KIAA1549L: variants seen among roughly 807,000 people sequenced by gnomAD.
KIAA1549L encodes UPF0606 protein KIAA1549L.
KIAA1549L carries 88 observed loss-of-function variants against 160.7 expected under a neutral mutation model. That is an observed-to-expected ratio of 0.55 (90% CI 0.46 to 0.65). The LOEUF is 0.65. KIAA1549L is among the 30% of genes least tolerant of loss of function. The pLI, the probability that KIAA1549L is intolerant of heterozygous loss-of-function variation, is 0.00. For missense variants in KIAA1549L, 2,258 were observed against 2,437.5 expected (o/e 0.93, Z 1.55); for synonymous variants, 950 against 976.7 (o/e 0.97, Z 0.51).
Position 33,376,488 on chromosome 11 carries a change from C to T in KIAA1549L, c.-164C>T, listed in dbSNP as rs957859974. 1.0e-4 allele frequency: 15 copies of T among 147,902 alleles called. No individual in the cohort carries two copies. Among genetic ancestry groups the T allele is most frequent in the Admixed American group, 2.0e-4 (3 of 14,940 alleles). The allele number at this position is 147,902 out of a possible 1,614,324, so 9.2% of individuals were successfully genotyped here. The stretch of plus-strand genomic sequence containing the variant: ...GAAGCCGCGGCTCCCTGGAGCCCGC[C>T]CCGGGCGCGGCAGGACGAGCGAGCC... On this transcript the variant is annotated 5_prime_UTR_variant, in exon 1 of 21. Coordinates refer to ENST00000658780, the MANE Select transcript of KIAA1549L (RefSeq NM_012194.3). This position sits in a 1 kb window ranked among gnomAD's most constrained non-coding sequence, Gnocchi z 5.8.
At chr11:33,601,793 G>A (rs2133311219) in intron 13 of KIAA1549L, among the ~76,000 whole-genome samples, 1 of 152,306 alleles carries the variant, frequency 6.6e-6, no homozygotes. Flanking sequence ...AACTTTGAAA[G>A]GAAAAGACAC....
intron 1 of KIAA1549L, among the ~76,000 whole-genome samples, chr11:33,520,781 T>C (rs1853473277): frequency 6.7e-6 from 1 of 150,360 alleles, no homozygotes; most frequent in African/African-American, 2.5e-5. Context: ...TTTTTCTTGT[T>C]TTGTCTTGGT....
At chr11:33,509,262 C>T (rs2133102572) in intron 1 of KIAA1549L, among the ~76,000 whole-genome samples, 2 of 152,306 alleles carry the variant, frequency 1.3e-5, no homozygotes, top group African/African-American at 4.8e-5. Flanking sequence ...AAACAGAAAA[C>T]ACCAAAGACA....
intron 14 of KIAA1549L, 89 bp from the exon 15 acceptor site, chr11:33,609,660 T>G (rs1286242969): frequency 4.6e-6 from 5 of 1,087,486 alleles, no homozygotes; most frequent in Non-Finnish European, 6.8e-6. Flanking sequence ...TGTGATGGCT[T>G]TTTTAGAAGT....
intron 1 of KIAA1549L, among the ~76,000 whole-genome samples, chr11:33,382,717 C>T: frequency 6.6e-6 from 1 of 152,026 alleles, no homozygotes; most frequent in East Asian, 1.9e-4. Flanking sequence ...ACAAGATGTC[C>T]CAAATCTTGC....
At chr11:33,667,837 C>A (rs777729684) in intron 20 of KIAA1549L, 36 bp from the exon 21 acceptor site, 14 of 1,569,786 alleles carry the variant, frequency 8.9e-6, no homozygotes, top group Non-Finnish European at 1.2e-5. Flanking sequence ...CTTCCTCATG[C>A]CAGGCCCTGT....
chr11:33,401,708 C>T (rs1024134851), intron 1 of KIAA1549L, among the ~76,000 whole-genome samples: 9 of 152,164 alleles, frequency 5.9e-5, no homozygotes, highest in African/African-American at 2.2e-4. Flanking sequence ...ACTACAGGCA[C>T]ATGCCACAAT....
intron 20 of KIAA1549L, among the ~76,000 whole-genome samples, chr11:33,667,538 G>T (rs1278353117): frequency 6.6e-6 from 1 of 151,908 alleles, no homozygotes; most frequent in Non-Finnish European, 1.5e-5. Flanking sequence ...GACTACAGGC[G>T]CATGCCACCA....
intron 1 of KIAA1549L, among the ~76,000 whole-genome samples, chr11:33,495,883 G>T (rs1310454862): frequency 6.6e-6 from 1 of 151,882 alleles, no homozygotes; most frequent in African/African-American, 2.4e-5. Flanking sequence ...GCCAGTGATG[G>T]TGAGCATTTT....
chr11:33,407,125 T>C (rs71480908), intron 1 of KIAA1549L, among the ~76,000 whole-genome samples: 12,348 of 143,192 alleles, frequency 0.086, 702 homozygotes, highest in Middle Eastern at 0.19. Context: ...CGCTCTGTCG[T>C]CCAGGCTGGA....
chr11:33,612,568 C>G (rs1172048261), intron 15 of KIAA1549L, among the ~76,000 whole-genome samples: 2 of 151,774 alleles, frequency 1.3e-5, no homozygotes, highest in African/African-American at 4.8e-5. Context: ...ACCATTCTTG[C>G]ATTGCTATAA....
At chr11:33,570,757 G>A (rs1855226167) in intron 9 of KIAA1549L, among the ~76,000 whole-genome samples, 1 of 152,158 alleles carries the variant, frequency 6.6e-6, no homozygotes, top group Non-Finnish European at 1.5e-5. Flanking sequence ...AGGCCTAAGA[G>A]AAAACATGTG....
chr11:33,628,473 A>G (rs1201981453), intron 16 of KIAA1549L, among the ~76,000 whole-genome samples: 2 of 150,846 alleles, frequency 1.3e-5, no homozygotes, highest in Non-Finnish European at 2.9e-5. Context: ...GTGCTCCTGT[A>G]TTGGGCGCAT....
chr11:33,660,282 AAAG>A (rs2133444651), intron 19 of KIAA1549L, among the ~76,000 whole-genome samples: 1 of 152,334 alleles, frequency 6.6e-6, no homozygotes, highest in South Asian at 2.1e-4. Flanking sequence ...GTCCACAAAG[AAAG>A]AAGACCAGGT....
At chr11:33,536,717 T>G (rs564864852) in intron 1 of KIAA1549L, among the ~76,000 whole-genome samples, 1 of 152,330 alleles carries the variant, frequency 6.6e-6, no homozygotes, top group East Asian at 1.9e-4. Flanking sequence ...AAACACAAAC[T>G]ATTTAAATCA....
chr11:33,656,075 C>G lies in KIAA1549L; in HGVS notation c.5824C>G (p.Arg1942Gly), dbSNP rs766316206. 1 of 1,613,652 alleles carries G rather than the reference C, an allele frequency of 6.2e-7. No individual in the cohort carries two copies. Among genetic ancestry groups the G allele is most frequent in the Non-Finnish European group, 8.5e-7 (1 of 1,179,734 alleles). The change falls in exon 18 of 21, where the codon CGG becomes GGG. Residue 1942 changes from arginine to glycine, a missense_variant. Around this residue, in one of 6 missense-constraint regions of KIAA1549L, gnomAD observed 1,359 missense variants for 1,546.6 expected, o/e 0.88. Coordinates refer to ENST00000658780, the MANE Select transcript of KIAA1549L (RefSeq NM_012194.3). ...MGSPPPPVPP[R>G]TGPVAVASLR... ...CTCACCGCCTCCACCCGTACCTCCCCGGACTGGTCCTGTGGCTGTCGCTTC... is the reference window on the plus strand; with the variant it reads ...CTCACCGCCTCCACCCGTACCTCCCGGGACTGGTCCTGTGGCTGTCGCTTC...
intron 17 of KIAA1549L, among the ~76,000 whole-genome samples, chr11:33,648,158 C>CTT (rs141100992): frequency 2.7e-5 from 4 of 150,778 alleles, no homozygotes; most frequent in African/African-American, 9.8e-5. Context: ...CCACACCCAG[C>CTT]TTTTTTTTTG....
chr11:33,574,428 A>G (rs1590357995), intron 9 of KIAA1549L, among the ~76,000 whole-genome samples: 1 of 152,362 alleles, frequency 6.6e-6, no homozygotes, highest in Admixed American at 6.5e-5. Flanking sequence ...AGTTCTGTGG[A>G]TGCTGGGAGA....
At chr11:33,641,576 A>ATATG in intron 16 of KIAA1549L, among the ~76,000 whole-genome samples, 1 of 720 alleles carries the variant, frequency 1.4e-3, no homozygotes, top group South Asian at 0.023. Context: ...GGATCTGTAT[A>ATATG]TATATATATA....
Sources: gnomAD v4.1 joint callset for allele counts (sites outside exome capture counted in the v4.1 genomes callset) on GRCh38, gnomAD v4.1.1 for gene constraint, gnomAD v4.1.1 regional missense constraint, Gnocchi (gnomAD v3.1) non-coding constraint, MANE v1.5 for transcripts, NCBI Gene and HGNC (gene_info 2026-07-23, HGNC 2026-07-21) for gene names.